DMXL1: variants seen among roughly 807,000 people sequenced by gnomAD.
DMXL1 encodes dmX-like protein 1.
DMXL1 carries 99 observed loss-of-function variants against 319.2 expected under a neutral mutation model. That is an observed-to-expected ratio of 0.31 (90% CI 0.26 to 0.37). DMXL1 has a LOEUF of 0.37. Among genes scored for constraint, DMXL1 ranks in the 10% least tolerant of loss-of-function variants. The probability of loss-of-function intolerance (pLI) is 1.00; values close to 1 mark genes in which losing one functional copy is unlikely to be tolerated. For missense variants in DMXL1, 3,745 were observed against 3,595.6 expected, an observed-to-expected ratio of 1.04 and a Z score of -1.06; for synonymous variants, 1,385 against 1,235.2, an observed-to-expected ratio of 1.12 and a Z score of -2.54.
At chr5:119,098,509 G>A (rs1391507695) in intron 2 of DMXL1, among the ~76,000 whole-genome samples, 1 of 151,926 alleles carries the variant, frequency 6.6e-6, no homozygotes, top group East Asian at 1.9e-4. Context: ...TGTAACAAGG[G>A]CTGTGTAACT....
chr5:119,091,887 A>G (rs1016360439), intron 1 of DMXL1, among the ~76,000 whole-genome samples: 5 of 152,210 alleles, frequency 3.3e-5, no homozygotes, highest in African/African-American at 1.2e-4. Flanking sequence ...TCAGGGATGC[A>G]GATAATAATA....
Position 119,177,569 on chromosome 5 carries a change from G to T in DMXL1, c.6886+85G>T. On this transcript the variant is annotated intron_variant, in intron 27 of 43. Transcript: ENST00000539542. ...AGAAAGACTTTTAGTTTTGCCACAT[G>T]ATAATCATTGTTAAATACTGTTAGA... 2.6e-6 allele frequency: 3 copies of T among 1,167,984 alleles called. No homozygotes were observed. The South Asian group carries it at 5.4e-5, about 21-fold the overall frequency. 72.4% of individuals were successfully genotyped at this position (1,167,984 alleles called of 1,614,324 possible).
In DMXL1 at chr5:119,116,343, G is replaced by A; in HGVS notation, c.743+7G>A. The A allele has an allele frequency of 2.5e-6, 4 of 1,610,476 alleles. No homozygotes were observed. Among genetic ancestry groups the A allele is most frequent in the Non-Finnish European group, 3.4e-6 (4 of 1,177,988 alleles). On this transcript the variant is annotated splice_region_variant and intron_variant, in intron 7 of 43. Transcript: ENST00000539542. ...CAAGCAAATATATGCCTAGGTCAGTGGATTGGTCATTTCCCTCCACATATT... is the reference window on the plus strand; with the variant it reads ...CAAGCAAATATATGCCTAGGTCAGTAGATTGGTCATTTCCCTCCACATATT...
chr5:119,107,242 G>A (rs1758558472), intron 4 of DMXL1, among the ~76,000 whole-genome samples: 1 of 152,086 alleles, frequency 6.6e-6, no homozygotes, highest in South Asian at 2.1e-4. Context: ...TCAGGAGGCT[G>A]AGGTGGGAGG....
intron 1 of DMXL1, among the ~76,000 whole-genome samples, chr5:119,078,081 T>G (rs1751393761): frequency 6.6e-6 from 1 of 151,974 alleles, no homozygotes; most frequent in Admixed American, 6.6e-5. Context: ...TATTTTTTAT[T>G]TAAGAATTTA....
At chr5:119,132,985 G>A (rs71585205) in intron 10 of DMXL1, 147 bp from the exon 11 acceptor site, 1 of 673,792 alleles carries the variant, frequency 1.5e-6, no homozygotes, top group Non-Finnish European at 2.5e-6. Flanking sequence ...TGTGTAGGGT[G>A]AGGTGTGGCG....
chr5:119,238,466 T>C (rs1016217825), intron 40 of DMXL1, among the ~76,000 whole-genome samples: 3 of 152,160 alleles, frequency 2.0e-5, no homozygotes, highest in Non-Finnish European at 2.9e-5. Flanking sequence ...TTGATGACTA[T>C]TAGTAATTTT....
At position 119,171,801 on chromosome 5, in the gene DMXL1, T is replaced by C; in HGVS notation, c.6513T>C (p.Ser2171=). ...SQQETSEPLF[S]SPLSEQTSVP... ...AGGAAACATCAGAACCACTATTTTC[T>C]AGCCCTCTGTCAGAGCAAACCTCAG... The change falls in exon 25 of 44, where the codon TCT becomes TCC. Residue 2171 remains serine (S), a synonymous_variant. Coordinates refer to ENST00000539542, the MANE Select transcript of DMXL1 (RefSeq NM_001290321.3). 6.2e-7 allele frequency: 1 copy of C among 1,612,632 alleles called. No homozygotes were observed. Among genetic ancestry groups the C allele is most frequent in the Non-Finnish European group, 8.5e-7 (1 of 1,179,358 alleles).
intron 9 of DMXL1, among the ~76,000 whole-genome samples, chr5:119,121,901 G>A (rs1278444235): frequency 2.0e-5 from 3 of 149,638 alleles, no homozygotes; most frequent in African/African-American, 4.9e-5. Flanking sequence ...GCGGCTGGCC[G>A]GGCGGGGGGC....
intron 19 of DMXL1, among the ~76,000 whole-genome samples, chr5:119,157,199 G>A (rs1455945074): frequency 6.6e-6 from 1 of 152,028 alleles, no homozygotes; most frequent in Admixed American, 6.5e-5. Context: ...GGTTACTTGA[G>A]TTCTTGATAT....
At chr5:119,101,818 A>G (rs1052834863) in intron 2 of DMXL1, 117 bp from the exon 3 acceptor site, 2 of 685,550 alleles carry the variant, frequency 2.9e-6, no homozygotes, top group African/African-American at 3.7e-5. Flanking sequence ...CTTAAGCATC[A>G]GTGAATGAAA....
At chr5:119,078,547 C>G (rs995362288) in intron 1 of DMXL1, among the ~76,000 whole-genome samples, 3 of 152,162 alleles carry the variant, frequency 2.0e-5, no homozygotes, top group African/African-American at 4.8e-5. Context: ...ATCTCCTAGG[C>G]TCAATCAGTC....
rs1013066562 is a variant in DMXL1, at chr5:119,133,480, T to A, written c.1570-14T>A. 6.3e-7 allele frequency: 1 copy of A among 1,593,382 alleles called. No individual in the cohort carries two copies. Among genetic ancestry groups the A allele is most frequent in the Non-Finnish European group, 8.5e-7 (1 of 1,172,962 alleles). ...TAATTTTATATGTTCTAACACTTGCTTTCTTGATTCTAGGTGTCCTTTGTT... is the reference window on the plus strand; with the variant it reads ...TAATTTTATATGTTCTAACACTTGCATTCTTGATTCTAGGTGTCCTTTGTT... On this transcript the variant is annotated splice_polypyrimidine_tract_variant and intron_variant, in intron 11 of 43. Coordinates refer to ENST00000539542, the MANE Select transcript of DMXL1 (RefSeq NM_001290321.3).
At chr5:119,236,165 G>A (rs1418869918) in intron 39 of DMXL1, 1 of 151,980 alleles carries the variant, frequency 6.6e-6, no homozygotes, top group African/African-American at 2.4e-5. Flanking sequence ...TTGAAGAAGT[G>A]CAAATAAATT....
At chr5:119,181,493 A>G (rs1776760696) in intron 28 of DMXL1, among the ~76,000 whole-genome samples, 1 of 152,184 alleles carries the variant, frequency 6.6e-6, no homozygotes, top group South Asian at 2.1e-4. Flanking sequence ...ATGAAAACTA[A>G]AGGCCTGCTG....
At chr5:119,117,194 A>G (rs2149898039) in intron 7 of DMXL1, among the ~76,000 whole-genome samples, 1 of 151,998 alleles carries the variant, frequency 6.6e-6, no homozygotes, top group African/African-American at 2.4e-5. Flanking sequence ...ATGCTGGGCT[A>G]ATATATTTTT....
At chr5:119,173,678 G>T (rs1775074032) in intron 25 of DMXL1, among the ~76,000 whole-genome samples, 1 of 109,888 alleles carries the variant, frequency 9.1e-6, no homozygotes, top group African/African-American at 2.7e-5. Context: ...ATGTATGTGT[G>T]TGTGTGTGTG....
At chr5:119,073,523 GC>G (rs1750120533) in intron 1 of DMXL1, among the ~76,000 whole-genome samples, 1 of 152,124 alleles carries the variant, frequency 6.6e-6, no homozygotes, top group African/African-American at 2.4e-5. Context: ...CAGTTAATGT[GC>G]CGAGGAGGAT....
At chr5:119,094,968 A>G (rs954371073) in intron 1 of DMXL1, among the ~76,000 whole-genome samples, 1 of 150,594 alleles carries the variant, frequency 6.6e-6, no homozygotes, top group Admixed American at 6.7e-5. Flanking sequence ...TTATCCTCCC[A>G]CCTCAGCCTT....
Sources: gnomAD v4.1 joint callset for allele counts (sites outside exome capture counted in the v4.1 genomes callset) on GRCh38, gnomAD v4.1.1 for gene constraint, MANE v1.5 for transcripts, NCBI Gene and HGNC (gene_info 2026-07-23, HGNC 2026-07-21) for gene names.